ZPBP: variants seen among roughly 807,000 people sequenced by gnomAD.
ZPBP encodes zona pellucida-binding protein 1.
In ZPBP, 26 loss-of-function variants were observed where a neutral mutation model predicts 44.8. The ratio of observed to expected loss-of-function variants is 0.58; its 90% CI spans 0.43 to 0.81. The LOEUF (loss-of-function observed/expected upper bound fraction) is 0.81, where lower values mean the gene tolerates loss of function less well. Among genes scored for constraint, ZPBP ranks in the 30% least tolerant of loss-of-function variants. The pLI, the probability that ZPBP is intolerant of heterozygous loss-of-function variation, is 0.00. For synonymous variants in ZPBP, 174 were observed against 153.2 expected, an observed-to-expected ratio of 1.14 and a Z score of -1.00; for missense variants, 409 against 434.0, an observed-to-expected ratio of 0.94 and a Z score of 0.51.
chr7:50,052,744 C>T (rs1800755361), intron 4 of ZPBP, among the ~76,000 whole-genome samples: 1 of 152,094 alleles, frequency 6.6e-6, no homozygotes, highest in African/African-American at 2.4e-5. Flanking sequence ...GTGGTATATG[C>T]ATACTATGCC....
intron 6 of ZPBP, among the ~76,000 whole-genome samples, chr7:49,999,621 G>A (rs187935895): frequency 1.3e-5 from 2 of 152,240 alleles, no homozygotes; most frequent in East Asian, 3.9e-4. Context: ...CCCAATCCAA[G>A]TCCTAAGGCC....
intron 2 of ZPBP, among the ~76,000 whole-genome samples, chr7:49,870,584 T>C (rs926178812): frequency 9.9e-5 from 15 of 152,234 alleles, no homozygotes; most frequent in Admixed American, 9.8e-4. Flanking sequence ...ACAGGGCATG[T>C]CTTACGAGTA....
At chr7:49,929,593 T>C (rs528367170) in intron 1 of ZPBP, among the ~76,000 whole-genome samples, 32 of 152,356 alleles carry the variant, frequency 2.1e-4, no homozygotes, top group African/African-American at 7.5e-4. Context: ...GGATAAGTAC[T>C]GAGATGAGTT....
intron 2 of ZPBP, among the ~76,000 whole-genome samples, chr7:49,859,586 G>A (rs1310466274): frequency 6.6e-6 from 1 of 152,178 alleles, no homozygotes; most frequent in East Asian, 1.9e-4. Flanking sequence ...ACATATGTGT[G>A]CATTGACGTC....
chr7:49,971,053 A>T (rs912795039), intron 7 of ZPBP, among the ~76,000 whole-genome samples: 75 of 152,034 alleles, frequency 4.9e-4, no homozygotes, highest in African/African-American at 1.7e-3. Context: ...CAATAAAAAA[A>T]TTTGAAAACC....
At chr7:49,943,488 G>T (rs958990322) in intron 7 of ZPBP, 4 of 453,550 alleles carry the variant, frequency 8.8e-6, no homozygotes, top group Non-Finnish European at 1.7e-5. Flanking sequence ...GATAGCCAAT[G>T]AACCCAACAC....
At chr7:49,965,861 A>G (rs1214272371) in intron 7 of ZPBP, among the ~76,000 whole-genome samples, 2 of 152,108 alleles carry the variant, frequency 1.3e-5, no homozygotes, top group African/African-American at 4.8e-5. Flanking sequence ...ACCTAAAGCA[A>G]CTACCAAAAT....
At chr7:49,911,045 T>C (rs926701069) in intron 1 of ZPBP, among the ~76,000 whole-genome samples, 1 of 152,244 alleles carries the variant, frequency 6.6e-6, no homozygotes, top group African/African-American at 2.4e-5. Flanking sequence ...ATATCTCTGC[T>C]GAAAGTGTCC....
intron 5 of ZPBP, among the ~76,000 whole-genome samples, chr7:50,020,753 G>C (rs1799058275): frequency 6.6e-6 from 1 of 152,114 alleles, no homozygotes; most frequent in Non-Finnish European, 1.5e-5. Context: ...AAAAAATGAA[G>C]AAAAATGGTC....
At chr7:49,860,930 C>T (rs749229091) in intron 2 of ZPBP, among the ~76,000 whole-genome samples, 1 of 152,196 alleles carries the variant, frequency 6.6e-6, no homozygotes, top group African/African-American at 2.4e-5. Flanking sequence ...ATACCTTGAC[C>T]TTGGACTTTC....
chr7:50,070,058 C>A (rs1347379680), intron 3 of ZPBP, among the ~76,000 whole-genome samples: 1 of 152,108 alleles, frequency 6.6e-6, no homozygotes, highest in Non-Finnish European at 1.5e-5. Context: ...CCCAGGTGAG[C>A]CTAGTTAGGC....
chr7:49,995,482 T>C (rs1797783716), intron 6 of ZPBP, among the ~76,000 whole-genome samples: 1 of 152,216 alleles, frequency 6.6e-6, no homozygotes, highest in Non-Finnish European at 1.5e-5. Context: ...AATCACCACT[T>C]GGTTAACCTT....
At chr7:49,897,243 T>C (rs1428081608) in intron 2 of ZPBP, among the ~76,000 whole-genome samples, 1 of 152,188 alleles carries the variant, frequency 6.6e-6, no homozygotes, top group African/African-American at 2.4e-5. Context: ...TACCAAACAT[T>C]GAAAGAAGAA....
At chr7:49,929,318 C>A (rs1794368217) in intron 1 of ZPBP, among the ~76,000 whole-genome samples, 1 of 152,168 alleles carries the variant, frequency 6.6e-6, no homozygotes, top group Admixed American at 6.5e-5. Context: ...CTTTTGTCAC[C>A]ATGCTTGATC....
chr7:49,957,627 GA>G (rs1011024388), intron 7 of ZPBP, among the ~76,000 whole-genome samples: 1 of 152,176 alleles, frequency 6.6e-6, no homozygotes, highest in African/African-American at 2.4e-5. Context: ...AAGGGCTGTG[GA>G]GGCATGGCTT....
intron 2 of ZPBP, among the ~76,000 whole-genome samples, chr7:49,878,560 G>A (rs1328003259): frequency 6.6e-6 from 1 of 151,932 alleles, no homozygotes; most frequent in African/African-American, 2.4e-5. Context: ...AGCTCTCAAC[G>A]CTCGGTCTAC....
intron 6 of ZPBP, among the ~76,000 whole-genome samples, chr7:50,000,466 A>G (rs1798043591): frequency 6.6e-6 from 1 of 152,162 alleles, no homozygotes; most frequent in South Asian, 2.1e-4. Flanking sequence ...TCTGCAATTA[A>G]AAGTATCAAA....
chr7:49,852,402 C>T lies in ZPBP; in HGVS notation n.510-1888G>A, dbSNP rs573031545. On this transcript the variant is annotated intron_variant and non_coding_transcript_variant, in intron 2 of 2. Coordinates refer to the ZPBP transcript ENST00000465922. ...TTGTCCTGGCCTGTTCACTCATCTC[C>T]TTAACAAGGTGACCGGTGCTGTTTT... Among the ~76,000 whole-genome samples the T allele has an allele frequency of 4.9e-4, 75 of 152,344 alleles. 1 individual carries two copies. Among genetic ancestry groups the T allele is most frequent in the African/African-American group, 1.6e-3 (67 of 41,572 alleles).
downstream of ZPBP, among the ~76,000 whole-genome samples, chr7:49,848,055 G>A (rs1790026173): frequency 6.6e-6 from 1 of 152,194 alleles, no homozygotes; most frequent in African/African-American, 2.4e-5. Flanking sequence ...TGGGAAGTCG[G>A]AAGCTTCTAC....
Sources: gnomAD v4.1 joint callset for allele counts (sites outside exome capture counted in the v4.1 genomes callset) on GRCh38, gnomAD v4.1.1 for gene constraint, MANE v1.5 for transcripts, NCBI Gene and HGNC (gene_info 2026-07-23, HGNC 2026-07-21) for gene names.